CTNNA2: variants seen among roughly 807,000 people sequenced by gnomAD.
CTNNA2 encodes the protein catenin alpha 2.
Under a neutral mutation model 101.0 loss-of-function variants are expected in CTNNA2, and 42 were observed. That is an observed-to-expected ratio of 0.42 (90% CI 0.32 to 0.54). The LOEUF is 0.54. Among genes scored for constraint, CTNNA2 ranks in the 20% least tolerant of loss-of-function variants. The pLI is 0.14. For missense variants in CTNNA2, 871 were observed against 1,223.1 expected (o/e 0.71, Z 4.29); for synonymous variants, 450 against 456.4 (o/e 0.99, Z 0.18).
intron 1 of CTNNA2, among the ~76,000 whole-genome samples, chr2:79,626,307 C>T (rs1468054842): frequency 6.6e-6 from 1 of 152,132 alleles, no homozygotes; most frequent in Non-Finnish European, 1.5e-5. Context: ...CAAGGCTTTT[C>T]AGGATAAGGG....
chr2:80,068,506 G>C (rs1291776694), intron 7 of CTNNA2, among the ~76,000 whole-genome samples: 1 of 152,152 alleles, frequency 6.6e-6, no homozygotes, highest in African/African-American at 2.4e-5. Context: ...TTTAAATCCT[G>C]TCACGCTTTG....
intron 7 of CTNNA2, among the ~76,000 whole-genome samples, chr2:80,206,530 A>G (rs887474942): frequency 6.6e-6 from 1 of 152,200 alleles, no homozygotes; most frequent in African/African-American, 2.4e-5. Context: ...TTCTGTGGAG[A>G]AGCAACAAAA....
At chr2:80,061,758 G>C (rs1056157710) in intron 7 of CTNNA2, among the ~76,000 whole-genome samples, 5 of 152,152 alleles carry the variant, frequency 3.3e-5, no homozygotes, top group African/African-American at 9.7e-5. Flanking sequence ...TATGAGGATA[G>C]AAAATCATGT....
intron 12 of CTNNA2, among the ~76,000 whole-genome samples, chr2:80,568,218 T>C (rs1419140146): frequency 6.6e-6 from 1 of 152,198 alleles, no homozygotes; most frequent in African/African-American, 2.4e-5. Flanking sequence ...GTTAAATGAC[T>C]CGTGATACTT....
chr2:80,241,221 CT>C (rs141660457), intron 7 of CTNNA2, among the ~76,000 whole-genome samples: 32 of 148,172 alleles, frequency 2.2e-4, no homozygotes, highest in Non-Finnish European at 3.1e-4. Context: ...TTATGGAGTC[CT>C]TTTTTTTTTA....
chr2:79,268,263 T>A (rs1330752277), intron 2 of CTNNA2, among the ~76,000 whole-genome samples: 1 of 152,068 alleles, frequency 6.6e-6, no homozygotes, highest in African/African-American at 2.4e-5. Context: ...AAGATCAGAA[T>A]AACAGAGAGG....
In CTNNA2 at chr2:79,809,688, C is replaced by T. The variant is rs185930412; in HGVS notation, c.299-48325C>T. ...TCTTTGTAGATTCTGGATATTAGCC[C>T]TTTGTCAGATAGATAGATTGCAAAA... On this transcript the variant is annotated intron_variant, in intron 3 of 18. Coordinates refer to ENST00000402739, the MANE Select transcript of CTNNA2 (RefSeq NM_001282597.3). Among the ~76,000 whole-genome samples, 267 of 152,122 alleles carry T rather than the reference C, an allele frequency of 1.8e-3. 2 individuals carry two copies. Among genetic ancestry groups the T allele is most frequent in the African/African-American group, 6.4e-3 (264 of 41,506 alleles).
At chr2:79,331,851 T>G (rs74476436) in intron 3 of CTNNA2, among the ~76,000 whole-genome samples, 3 of 152,314 alleles carry the variant, frequency 2.0e-5, no homozygotes, top group Admixed American at 2.0e-4. Flanking sequence ...AACTAGTAGA[T>G]TATTGATTCG....
At chr2:80,291,885 C>G (rs979924164) in intron 7 of CTNNA2, among the ~76,000 whole-genome samples, 2 of 152,154 alleles carry the variant, frequency 1.3e-5, no homozygotes, top group Non-Finnish European at 2.9e-5. Flanking sequence ...GTGGTAAAGG[C>G]AAGCCACTAA....
At chr2:79,289,435 C>T (rs570249151) in intron 2 of CTNNA2, among the ~76,000 whole-genome samples, 87 of 152,234 alleles carry the variant, frequency 5.7e-4, no homozygotes, top group African/African-American at 2.0e-3. Context: ...ATACATGTGA[C>T]GAGTGGTGGG....
At chr2:79,416,257 CTTTTTTTTTTTTTTTT>C (rs66830925) in intron 4 of CTNNA2, among the ~76,000 whole-genome samples, 1 of 94,656 alleles carries the variant, frequency 1.1e-5, no homozygotes, top group Non-Finnish European at 2.1e-5. Context: ...CTTTCCTTTT[CTTTTTTTTTTTTTTTT>C]TTTTTTTTGG....
At chr2:80,262,085 G>A (rs548147667) in intron 7 of CTNNA2, among the ~76,000 whole-genome samples, 2 of 152,092 alleles carry the variant, frequency 1.3e-5, no homozygotes, top group Non-Finnish European at 2.9e-5. Context: ...AGAAAAACTA[G>A]AATAAATATA....
chr2:79,395,398 C>CA (rs1678219295), intron 4 of CTNNA2, among the ~76,000 whole-genome samples: 1 of 152,112 alleles, frequency 6.6e-6, no homozygotes, highest in Middle Eastern at 3.4e-3. Context: ...ACCCTCCCCC[C>CA]AACCCACAAC....
intron 7 of CTNNA2, among the ~76,000 whole-genome samples, chr2:80,010,624 T>C (rs1014060410): frequency 6.6e-6 from 1 of 152,144 alleles, no homozygotes; most frequent in Non-Finnish European, 1.5e-5. Flanking sequence ...TTTTAGCAAG[T>C]GTAATAATTC....
At chr2:80,048,813 CTG>C (rs925368376) in intron 7 of CTNNA2, among the ~76,000 whole-genome samples, 4 of 152,242 alleles carry the variant, frequency 2.6e-5, no homozygotes, top group Middle Eastern at 3.4e-3. Flanking sequence ...GAAAGGAAGA[CTG>C]TGTAGGTGAA....
At chr2:79,729,584 A>C (rs1157119079) in intron 2 of CTNNA2, among the ~76,000 whole-genome samples, 1 of 152,170 alleles carries the variant, frequency 6.6e-6, no homozygotes, top group Non-Finnish European at 1.5e-5. Flanking sequence ...CTGAATTAGA[A>C]AATGAGCTGC....
intron 4 of CTNNA2, among the ~76,000 whole-genome samples, chr2:79,447,975 GT>G (rs1318262208): frequency 6.6e-6 from 1 of 152,016 alleles, no homozygotes; most frequent in Non-Finnish European, 1.5e-5. Context: ...AAGCAATTCT[GT>G]GGTAGGAATG....
chr2:79,399,988 A>G (rs1406531051), intron 4 of CTNNA2, among the ~76,000 whole-genome samples: 1 of 152,076 alleles, frequency 6.6e-6, no homozygotes, highest in Non-Finnish European at 1.5e-5. Context: ...TCCTCATGAC[A>G]TGTGCCCAAA....
At chr2:79,715,924 G>A (rs778223191) in intron 2 of CTNNA2, among the ~76,000 whole-genome samples, 1 of 151,842 alleles carries the variant, frequency 6.6e-6, no homozygotes, top group Non-Finnish European at 1.5e-5. Context: ...TACATCCAAC[G>A]TATCAATGCT....
Sources: allele counts gnomAD v4.1 joint callset (sites outside exome capture counted in the v4.1 genomes callset), GRCh38; gene constraint gnomAD v4.1.1; transcripts MANE v1.5; gene names NCBI Gene and HGNC (gene_info 2026-07-23, HGNC 2026-07-21).